The following PRKN variants were observed in gnomAD, a reference collection of about 807,000 sequenced individuals.
The protein encoded by PRKN is parkin RBR E3 ubiquitin protein ligase, also known as E3 ubiquitin-protein ligase parkin.
Under a neutral mutation model 59.5 loss-of-function variants are expected in PRKN, and 56 were observed. The ratio of observed to expected loss-of-function variants is 0.94; its 90% CI spans 0.76 to 1.18. The LOEUF (loss-of-function observed/expected upper bound fraction) is 1.18, where lower values mean the gene tolerates loss of function less well. PRKN is among the 50% of genes most tolerant of loss of function. The probability of loss-of-function intolerance (pLI) is 0.00; values close to 1 mark genes in which losing one functional copy is unlikely to be tolerated. For synonymous variants in PRKN, 250 were observed against 222.1 expected (o/e 1.13, Z -1.12); for missense variants, 657 against 596.4 (o/e 1.10, Z -1.06).
chr6:162,433,357 G>A (rs1003806120), intron 2 of PRKN, among the ~76,000 whole-genome samples: 4 of 152,044 alleles, frequency 2.6e-5, no homozygotes, highest in African/African-American at 9.7e-5. Context: ...CATATCTACT[G>A]TACTTCATTA....
Position 161,405,752 on chromosome 6 carries a change from AG to A in PRKN, c.1084-18876del, listed in dbSNP as rs1205548490. On this transcript the variant is annotated intron_variant, in intron 9 of 11. Transcript: ENST00000366898. The surrounding 1 kb of genome is among the most constrained non-coding windows in gnomAD (Gnocchi z 5.1). ...CACAGCCAGGCAGGCTCGTGTTCCA[AG>A]TCTCGTACCCGTTGGGCCATTTGAG... Among the ~76,000 whole-genome samples, 3 of 152,058 alleles carry A rather than the reference AG, an allele frequency of 2.0e-5. No individual in the cohort carries two copies. In the East Asian group the frequency reaches 5.8e-4, roughly 29 times the overall value.
chr6:162,307,000 T>C (rs1782259618), intron 2 of PRKN, among the ~76,000 whole-genome samples: 1 of 152,176 alleles, frequency 6.6e-6, no homozygotes, highest in Admixed American at 6.5e-5. Context: ...AATTCAAGAT[T>C]TGTATTTTTA....
At chr6:162,224,062 T>G (rs1025374797) in intron 3 of PRKN, among the ~76,000 whole-genome samples, 14 of 151,844 alleles carry the variant, frequency 9.2e-5, no homozygotes, top group African/African-American at 3.4e-4. Context: ...TGGCCCCTCA[T>G]AGATACTCCT....
At chr6:162,010,432 T>A (rs1422023419) in intron 5 of PRKN, among the ~76,000 whole-genome samples, 6 of 74,966 alleles carry the variant, frequency 8.0e-5, no homozygotes, top group African/African-American at 3.8e-4. Context: ...ATTTATAATA[T>A]GTAATATTTA....
At chr6:162,472,681 C>T (rs1353250672) in intron 1 of PRKN, among the ~76,000 whole-genome samples, 3 of 125,894 alleles carry the variant, frequency 2.4e-5, no homozygotes, top group African/African-American at 5.7e-5. Flanking sequence ...TTAGTAGAGA[C>T]GGGGTTTCAC....
chr6:161,662,953 G>A (rs1197570508), intron 7 of PRKN, among the ~76,000 whole-genome samples: 1 of 152,168 alleles, frequency 6.6e-6, no homozygotes, highest in East Asian at 1.9e-4. Flanking sequence ...CACATGTCGT[G>A]GAAGAAATCC....
intron 1 of PRKN, among the ~76,000 whole-genome samples, chr6:162,552,328 A>G (rs1178390080): frequency 6.6e-6 from 1 of 152,158 alleles, no homozygotes; most frequent in Non-Finnish European, 1.5e-5. Context: ...GGACCGATCT[A>G]CGTTTTAATA....
rs552127230 is a variant in PRKN at position 161,390,928 on chromosome 6, C to T, written c.1084-4051G>A. 6.6e-6 allele frequency among the ~76,000 whole-genome samples: 1 copy of T among 152,264 alleles called. No individual in the cohort carries two copies. The highest frequency in any genetic ancestry group is 2.4e-5 in the African/African-American group (1 of 41,542). On this transcript the variant is annotated intron_variant, in intron 9 of 11. Transcript: ENST00000366898. The surrounding 1 kb of genome is among the most constrained non-coding windows in gnomAD (Gnocchi z 7.0). ...GGTACAAAACCTTTCATAACCACAA[C>T]TGTTAGGCATTTCTTTTGGCCTAGA...
intron 1 of PRKN, among the ~76,000 whole-genome samples, chr6:162,552,640 C>T (rs1041901896): frequency 2.6e-5 from 4 of 151,862 alleles, no homozygotes; most frequent in South Asian, 2.1e-4. Context: ...GAAACATCCG[C>T]GTGGAGTTGT....
chr6:162,304,329 C>T (rs1258662058), intron 2 of PRKN, among the ~76,000 whole-genome samples: 3 of 150,744 alleles, frequency 2.0e-5, no homozygotes, highest in African/African-American at 7.3e-5. Flanking sequence ...CTGTAGTAAA[C>T]TTTTCCCTCT....
At chr6:162,407,837 A>G (rs542637556) in intron 2 of PRKN, among the ~76,000 whole-genome samples, 6 of 152,210 alleles carry the variant, frequency 3.9e-5, no homozygotes, top group African/African-American at 1.4e-4. Flanking sequence ...AGCTCACTAA[A>G]TCTCCTTGAA....
intron 1 of PRKN, among the ~76,000 whole-genome samples, chr6:162,576,889 C>G (rs1380826598): frequency 6.6e-6 from 1 of 151,416 alleles, no homozygotes; most frequent in Non-Finnish European, 1.5e-5. Context: ...GGATTTGATG[C>G]CCCTCACGGC....
chr6:161,932,628 A>G (rs922999626), intron 6 of PRKN, among the ~76,000 whole-genome samples: 7 of 152,188 alleles, frequency 4.6e-5, no homozygotes, highest in Non-Finnish European at 1.0e-4. Context: ...TGCAAAGCGA[A>G]AAAAGGATGT....
intron 6 of PRKN, among the ~76,000 whole-genome samples, chr6:161,860,941 C>CA (rs1793871849): frequency 6.6e-6 from 1 of 152,098 alleles, no homozygotes; most frequent in Non-Finnish European, 1.5e-5. Context: ...CAGATGCTGG[C>CA]AAAGCTGTGG....
chr6:162,546,709 A>G (rs976032852), intron 1 of PRKN, among the ~76,000 whole-genome samples: 1 of 151,964 alleles, frequency 6.6e-6, no homozygotes, highest in Non-Finnish European at 1.5e-5. Flanking sequence ...CTCCCAAAAT[A>G]CTGGGATTAC....
At chr6:162,224,097 TC>T (rs1778059326) in intron 3 of PRKN, among the ~76,000 whole-genome samples, 2 of 152,068 alleles carry the variant, frequency 1.3e-5, no homozygotes. Context: ...GATTTTTTTT[TC>T]CTTTTCTTAT....
intron 7 of PRKN, among the ~76,000 whole-genome samples, chr6:161,758,173 A>C (rs1004645081): frequency 3.9e-5 from 6 of 152,002 alleles, no homozygotes; most frequent in Non-Finnish European, 2.9e-5. Flanking sequence ...GTAGTTTGGC[A>C]GTTCCTTAAA....
intron 6 of PRKN, among the ~76,000 whole-genome samples, chr6:161,963,201 T>C (rs1244571867): frequency 6.6e-6 from 1 of 151,846 alleles, no homozygotes; most frequent in East Asian, 1.9e-4. Context: ...CAACAGAAAA[T>C]GAAGTGCTTA....
chr6:161,965,431 C>T lies in PRKN; in HGVS notation c.734+7871G>A, dbSNP rs61498226. ...CGACTAAGCAAATCGGGCTATTTTT[C>T]GGTCTGCTTCAGCTTTGGAAACTAA... On this transcript the variant is annotated intron_variant, in intron 6 of 11. Coordinates refer to ENST00000366898, the MANE Select transcript of PRKN (RefSeq NM_004562.3). Among the ~76,000 whole-genome samples, 356 of 152,042 alleles carry T rather than the reference C, an allele frequency of 2.3e-3. 7 individuals carry two copies. Among genetic ancestry groups the T allele is most frequent in the African/African-American group, 8.2e-3 (339 of 41,382 alleles).
Sources: gnomAD v4.1 joint callset for allele counts (sites outside exome capture counted in the v4.1 genomes callset) on GRCh38, gnomAD v4.1.1 for gene constraint, Gnocchi (gnomAD v3.1) non-coding constraint, MANE v1.5 for transcripts, NCBI Gene and HGNC (gene_info 2026-07-23, HGNC 2026-07-21) for gene names.